Variants in RORA observed in about 807,000 individuals in gnomAD.
RORA encodes nuclear receptor ROR-alpha.
RORA carries 7 observed loss-of-function variants against 69.5 expected under a neutral mutation model. That is an observed-to-expected ratio of 0.10 (90% CI 0.06 to 0.19). The LOEUF (loss-of-function observed/expected upper bound fraction) is 0.19, where lower values mean the gene tolerates loss of function less well. Among genes scored for constraint, RORA ranks in the 10% least tolerant of loss-of-function variants. The pLI is 1.00. For missense variants in RORA, 457 were observed against 663.0 expected (o/e 0.69, Z 3.41); for synonymous variants, 261 against 240.8 (o/e 1.08, Z -0.78).
intron 1 of RORA, among the ~76,000 whole-genome samples, chr15:61,012,774 T>A (rs1037806132): frequency 1.8e-4 from 27 of 152,178 alleles, no homozygotes; most frequent in Admixed American, 1.4e-3. Flanking sequence ...CTCAGCCTCC[T>A]GAGTATCTGG....
At chr15:60,890,369 G>C (rs192080951) in intron 1 of RORA, among the ~76,000 whole-genome samples, 13 of 152,310 alleles carry the variant, frequency 8.5e-5, no homozygotes, top group Non-Finnish European at 1.6e-4. Context: ...GAAGAATGCA[G>C]AGTACACAAA....
intron 2 of RORA, among the ~76,000 whole-genome samples, chr15:60,588,248 T>A (rs1033874076): frequency 6.6e-6 from 1 of 152,196 alleles, no homozygotes; most frequent in Non-Finnish European, 1.5e-5. Context: ...GGCTTTAAAA[T>A]TATTAAATAT....
Position 60,798,132 on chromosome 15 carries a change from G to GA in RORA, c.167-119447dup, listed in dbSNP as rs200046466. ...TCACTAAATTAATTATTATACATGA[G>GA]AAAAAAAAACTTAATTAATGTGTGA... On this transcript the variant is annotated intron_variant, in intron 1 of 10. Transcript: ENST00000335670. 1.5e-4 allele frequency among the ~76,000 whole-genome samples: 22 copies of GA among 146,310 alleles called. No homozygotes were observed. In the East Asian group the frequency reaches 4.7e-3, roughly 31 times the overall value.
intron 1 of RORA, among the ~76,000 whole-genome samples, chr15:60,756,370 T>G (rs530203470): frequency 6.6e-6 from 1 of 152,356 alleles, no homozygotes; most frequent in Admixed American, 6.5e-5. Flanking sequence ...GTCTGATTCT[T>G]ACCCACAGCG....
intron 1 of RORA, among the ~76,000 whole-genome samples, chr15:61,157,645 A>T (rs1165804120): frequency 6.6e-6 from 1 of 152,174 alleles, no homozygotes; most frequent in Non-Finnish European, 1.5e-5. Context: ...CACACAGATA[A>T]GACAAAGAAA....
chr15:60,823,768 A>G (rs2072923786), intron 1 of RORA, among the ~76,000 whole-genome samples: 1 of 151,332 alleles, frequency 6.6e-6, no homozygotes, highest in Non-Finnish European at 1.5e-5. Flanking sequence ...AACACCAAAA[A>G]TAAATAAATA....
intron 1 of RORA, among the ~76,000 whole-genome samples, chr15:61,017,179 T>C (rs1051498886): frequency 2.6e-5 from 4 of 152,302 alleles, no homozygotes; most frequent in Non-Finnish European, 5.9e-5. Context: ...CAGGGCTCCA[T>C]TGGAATAAGT....
rs2080179783 is a variant in RORA at position 61,229,262 on chromosome 15, G to C, written c.-44C>G. ...GATCGCTGGAGATGGCGAGCTCCGA[G>C]ACTCCCTCTATCTTCTGTTTTCAGA... On this transcript the variant is annotated 5_prime_UTR_variant, in exon 1 of 11. Transcript: ENST00000335670. 1 of 1,101,990 alleles carries C rather than the reference G, an allele frequency of 9.1e-7. No homozygotes were observed. Among genetic ancestry groups the C allele is most frequent in the Non-Finnish European group, 1.1e-6 (1 of 881,824 alleles). The allele number at this position is 1,101,990 out of a possible 1,614,324, so 68.3% of individuals were successfully genotyped here. A position where few individuals can be genotyped will look rare whatever the true frequency, so the allele number is the denominator to read the frequency against.
intron 2 of RORA, among the ~76,000 whole-genome samples, chr15:60,669,885 C>A (rs989280648): frequency 6.6e-6 from 1 of 152,202 alleles, no homozygotes; most frequent in Non-Finnish European, 1.5e-5. Flanking sequence ...TAGATACAGA[C>A]TAAACTATTA....
At chr15:60,772,030 GATTTTT>G (rs920070951) in intron 1 of RORA, among the ~76,000 whole-genome samples, 7 of 152,040 alleles carry the variant, frequency 4.6e-5, no homozygotes, top group African/African-American at 1.7e-4. Flanking sequence ...GACAAGGTGG[GATTTTT>G]ATTTTATTAT....
intron 2 of RORA, among the ~76,000 whole-genome samples, chr15:60,658,331 A>G (rs2070254203): frequency 6.6e-6 from 1 of 152,200 alleles, no homozygotes; most frequent in Non-Finnish European, 1.5e-5. Flanking sequence ...CTGGGATTAC[A>G]GGCATGAGCC....
chr15:60,741,212 T>G (rs1219286320), intron 1 of RORA, among the ~76,000 whole-genome samples: 1 of 152,102 alleles, frequency 6.6e-6, no homozygotes, highest in Non-Finnish European at 1.5e-5. Flanking sequence ...CAAATTCAAT[T>G]CCCAGCCAGA....
At chr15:60,714,053 T>TCC (rs1385064444) in intron 1 of RORA, among the ~76,000 whole-genome samples, 1 of 150,970 alleles carries the variant, frequency 6.6e-6, no homozygotes, top group Non-Finnish European at 1.5e-5. Context: ...TCTCTCTCTC[T>TCC]CTCTCTTTTT....
intron 1 of RORA, among the ~76,000 whole-genome samples, chr15:61,193,016 G>A (rs1415008221): frequency 2.0e-5 from 3 of 152,032 alleles, no homozygotes; most frequent in African/African-American, 7.2e-5. Context: ...GTTATCAAGT[G>A]AATAACAATG....
intron 2 of RORA, among the ~76,000 whole-genome samples, chr15:60,624,150 G>T (rs2069498946): frequency 6.6e-6 from 1 of 152,040 alleles, no homozygotes; most frequent in African/African-American, 2.4e-5. Context: ...TATTTATAAG[G>T]TATTGTTCAA....
chr15:60,900,765 G>T (rs1214939879), intron 1 of RORA, among the ~76,000 whole-genome samples: 2 of 151,978 alleles, frequency 1.3e-5, no homozygotes, highest in Non-Finnish European at 2.9e-5. Flanking sequence ...CCAGCTACTC[G>T]GGAGGCTGAG....
At chr15:60,851,544 C>T (rs1233848649) in intron 1 of RORA, among the ~76,000 whole-genome samples, 4 of 152,120 alleles carry the variant, frequency 2.6e-5, no homozygotes, top group South Asian at 2.1e-4. Context: ...AGAAAACCTG[C>T]TACCTCCTAC....
chr15:61,097,549 A>G (rs997539595), intron 1 of RORA, among the ~76,000 whole-genome samples: 7 of 152,098 alleles, frequency 4.6e-5, no homozygotes, highest in African/African-American at 1.7e-4. Flanking sequence ...CTTTTGTGTT[A>G]CTTACAATTT....
chr15:61,162,212 T>C (rs777138927), intron 1 of RORA, among the ~76,000 whole-genome samples: 1 of 152,204 alleles, frequency 6.6e-6, no homozygotes, highest in African/African-American at 2.4e-5. Context: ...AATGTGTAAC[T>C]TTCCCCTGCT....
Sources: gnomAD v4.1 joint callset for allele counts (sites outside exome capture counted in the v4.1 genomes callset) on GRCh38, gnomAD v4.1.1 for gene constraint, MANE v1.5 for transcripts, NCBI Gene and HGNC (gene_info 2026-07-23, HGNC 2026-07-21) for gene names.